MANBA: variants seen among roughly 807,000 people sequenced by gnomAD.
The protein encoded by MANBA is beta-mannosidase.
In MANBA, 83 loss-of-function variants were observed where a neutral mutation model predicts 111.1. The observed-to-expected ratio is 0.75, with a 90% confidence interval of 0.63 to 0.90. The LOEUF (loss-of-function observed/expected upper bound fraction) is 0.90. Among genes scored for constraint, MANBA ranks in the 40% least tolerant of loss-of-function variants. The pLI, the probability that MANBA is intolerant of heterozygous loss-of-function variation, is 0.00. For synonymous variants in MANBA, 370 were observed against 378.7 expected (o/e 0.98, Z 0.27); for missense variants, 1,036 against 1,069.0 (o/e 0.97, Z 0.43).
intron 1 of MANBA, among the ~76,000 whole-genome samples, chr4:102,754,256 C>T (rs1426186282): frequency 3.3e-5 from 5 of 152,082 alleles, no homozygotes; most frequent in East Asian, 3.9e-4. Flanking sequence ...CTTAGAAGCA[C>T]GTACTAAATG....
chr4:102,754,623 C>T lies in MANBA; in HGVS notation c.177+6095G>A, dbSNP rs566674283. On this transcript the variant is annotated intron_variant, in intron 1 of 16. Coordinates refer to ENST00000647097, the MANE Select transcript of MANBA (RefSeq NM_005908.4). ...CCAGGCTGGAGTGCAGTGGCGTGATCTTGGCTCATTGCAAGCTCCACCTCC... is the reference window on the plus strand; with the variant it reads ...CCAGGCTGGAGTGCAGTGGCGTGATTTTGGCTCATTGCAAGCTCCACCTCC... Among the ~76,000 whole-genome samples the T allele has an allele frequency of 7.3e-5, 11 of 151,598 alleles. 1 individual carries two copies. In the South Asian group the frequency reaches 2.3e-3, roughly 32 times the overall value.
chr4:102,730,474 C>T (rs539610467), intron 1 of MANBA: 5 of 517,378 alleles, frequency 9.7e-6, no homozygotes, highest in Admixed American at 2.0e-5. Flanking sequence ...ACTGCGGGGG[C>T]GGTTCCTGGG....
chr4:102,753,944 C>T (rs1271490921), intron 1 of MANBA: 1 of 429,794 alleles, frequency 2.3e-6, no homozygotes, highest in Non-Finnish European at 4.6e-6. Context: ...GCAGAGAATG[C>T]AGTGAGGAAG....
chr4:102,681,465 T>C (rs1001606278), intron 7 of MANBA: 3 of 152,216 alleles, frequency 2.0e-5, no homozygotes, highest in African/African-American at 4.8e-5. Flanking sequence ...TTTAAAAAAA[T>C]AAATTTCAAT....
chr4:102,682,165 A>G (rs1732014907), intron 7 of MANBA, among the ~76,000 whole-genome samples: 1 of 151,464 alleles, frequency 6.6e-6, no homozygotes, highest in South Asian at 2.1e-4. Context: ...AAAAAAAAAA[A>G]GTACTCCAAA....
At chr4:102,656,881 GAC>G (rs966728289) in intron 12 of MANBA, among the ~76,000 whole-genome samples, 7 of 152,226 alleles carry the variant, frequency 4.6e-5, no homozygotes, top group Non-Finnish European at 8.8e-5. Flanking sequence ...GGAAACTATA[GAC>G]ACAGAAAGTA....
intron 1 of MANBA, chr4:102,754,028 A>G (rs957816375): frequency 2.1e-5 from 7 of 340,400 alleles, no homozygotes; most frequent in Non-Finnish European, 3.5e-5. Context: ...GAAAAAAAAA[A>G]TCACCATTAA....
At chr4:102,695,518 T>C (rs913815061) in intron 5 of MANBA, among the ~76,000 whole-genome samples, 3 of 152,212 alleles carry the variant, frequency 2.0e-5, no homozygotes, top group Non-Finnish European at 4.4e-5. Flanking sequence ...TCCATACTTA[T>C]ACCCTCATTG....
At chr4:102,735,279 C>T (rs975322220) in intron 1 of MANBA, among the ~76,000 whole-genome samples, 1 of 152,094 alleles carries the variant, frequency 6.6e-6, no homozygotes, top group Admixed American at 6.5e-5. Flanking sequence ...ACTTCCTGAG[C>T]TTCTGAAATG....
At chr4:102,647,899 G>C (rs939152023) in intron 13 of MANBA, among the ~76,000 whole-genome samples, 2 of 152,114 alleles carry the variant, frequency 1.3e-5, no homozygotes, top group African/African-American at 4.8e-5. Flanking sequence ...GTGTGAGCAT[G>C]AGTTTGGATT....
intron 13 of MANBA, among the ~76,000 whole-genome samples, chr4:102,646,230 T>C (rs1340841367): frequency 1.3e-5 from 2 of 152,096 alleles, no homozygotes; most frequent in East Asian, 3.9e-4. Context: ...TACAAACTCC[T>C]AATATATAAT....
intron 3 of MANBA, among the ~76,000 whole-genome samples, chr4:102,723,398 A>C (rs1199351262): frequency 6.6e-6 from 1 of 152,188 alleles, no homozygotes; most frequent in Non-Finnish European, 1.5e-5. Flanking sequence ...TTTCCTAGAC[A>C]CTTCATGACA....
At chr4:102,644,564 A>C (rs1006643902) in intron 13 of MANBA, among the ~76,000 whole-genome samples, 1 of 152,110 alleles carries the variant, frequency 6.6e-6, no homozygotes, top group African/African-American at 2.4e-5. Context: ...ATGGAATTGA[A>C]AAAAGTTAAA....
intron 1 of MANBA, chr4:102,729,188 C>T (rs1722928829): frequency 4.1e-6 from 3 of 724,110 alleles, no homozygotes; most frequent in South Asian, 1.4e-5. Context: ...TCCAGGGAAG[C>T]CCTCTGGCCT....
At position 102,631,797 on chromosome 4, in the gene MANBA, G is replaced by A. The variant is rs1729386932; in HGVS notation, c.*260C>T. The stretch of plus-strand genomic sequence containing the variant: ...CTGGTTCATGTCCTGCTAAAGCTGA[G>A]AGGTGAAGGGCTAAAAACACAGTCC... On this transcript the variant is annotated 3_prime_UTR_variant, in exon 17 of 17. Transcript: ENST00000647097. 1.0e-5 allele frequency: 6 copies of A among 601,716 alleles called. No individual in the cohort carries two copies. The East Asian group carries it at 1.6e-4, about 17-fold the overall frequency. The allele number at this position is 601,716 out of a possible 1,614,324, so 37.3% of individuals were successfully genotyped here.
intron 1 of MANBA, chr4:102,727,781 T>C (rs764293523): frequency 2.9e-6 from 2 of 686,368 alleles, no homozygotes; most frequent in Middle Eastern, 4.2e-4. Flanking sequence ...AGGCATTTCT[T>C]GCAGTGGTGC....
At position 102,760,623 on chromosome 4, in the gene MANBA, G is replaced by A. The variant is rs60886569; in HGVS notation, c.177+95C>T. ...AGTTACTACCAAACCGACGAGAATG[G>A]CCCAGAGCTGGGGGCTGCCAGGCGG... On this transcript the variant is annotated intron_variant, in intron 1 of 16. Coordinates refer to ENST00000647097, the MANE Select transcript of MANBA (RefSeq NM_005908.4). 6.5e-4 allele frequency: 856 copies of A among 1,315,318 alleles called. 3 individuals are homozygous for A. The African/African-American group carries it at 0.01, about 16-fold the overall frequency. 81.5% of individuals were successfully genotyped at this position (1,315,318 alleles called of 1,614,324 possible).
chr4:102,659,733 A>G (rs1253839085), intron 11 of MANBA, among the ~76,000 whole-genome samples: 3 of 152,120 alleles, frequency 2.0e-5, no homozygotes, highest in African/African-American at 7.2e-5. Context: ...TTACCCATGA[A>G]CTTCTACTTA....
intron 4 of MANBA, chr4:102,722,439 T>C (rs1213695956): frequency 5.1e-6 from 1 of 196,118 alleles, no homozygotes; most frequent in Non-Finnish European, 1.1e-5. Context: ...CTTTGTTATC[T>C]TTTTGTTAGA....
Sources: gnomAD v4.1 joint callset for allele counts (sites outside exome capture counted in the v4.1 genomes callset) on GRCh38, gnomAD v4.1.1 for gene constraint, MANE v1.5 for transcripts, NCBI Gene and HGNC (gene_info 2026-07-23, HGNC 2026-07-21) for gene names.